PLOD2: variants seen among roughly 807,000 people sequenced by gnomAD.
PLOD2 encodes the protein procollagen-lysine,2-oxoglutarate 5-dioxygenase 2, also known as lysine hydroxylase 2.
A neutral mutation model predicts 101.0 loss-of-function variants in PLOD2; 65 were observed. The ratio of observed to expected loss-of-function variants is 0.64; its 90% CI spans 0.53 to 0.79. The LOEUF is 0.79. Among genes scored for constraint, PLOD2 ranks in the 30% least tolerant of loss-of-function variants. PLOD2 has a pLI of 0.00. For synonymous variants in PLOD2, 314 were observed against 302.9 expected (o/e 1.04, Z -0.38); for missense variants, 909 against 914.6 (o/e 0.99, Z 0.08).
intron 4 of PLOD2, among the ~76,000 whole-genome samples, chr3:146,107,511 G>C (rs1230655308): frequency 7.0e-6 from 1 of 142,236 alleles, no homozygotes; most frequent in Non-Finnish European, 1.5e-5. Context: ...TTTCTTAAAA[G>C]AATTAAAAAA....
chr3:146,152,839 T>G (rs954659547), intron 1 of PLOD2, among the ~76,000 whole-genome samples: 29 of 152,242 alleles, frequency 1.9e-4, no homozygotes, highest in Admixed American at 1.8e-3. Flanking sequence ...ATCTCTGCTT[T>G]GTAAGTCTGT....
At chr3:146,075,487 TAAAAAAA>T (rs35706246) in intron 15 of PLOD2, among the ~76,000 whole-genome samples, 1 of 93,672 alleles carries the variant, frequency 1.1e-5, no homozygotes, top group African/African-American at 4.1e-5. Flanking sequence ...CTCAAATCTG[TAAAAAAA>T]AAAAAAAAAA....
intron 12 of PLOD2, among the ~76,000 whole-genome samples, chr3:146,079,973 A>G (rs1936476603): frequency 6.6e-6 from 1 of 152,028 alleles, no homozygotes; most frequent in Non-Finnish European, 1.5e-5. Context: ...CACTCTGAAC[A>G]TGACTGATTT....
At chr3:146,100,694 G>A (rs530561658) in intron 7 of PLOD2, among the ~76,000 whole-genome samples, 2 of 152,308 alleles carry the variant, frequency 1.3e-5, no homozygotes, top group South Asian at 4.1e-4. Context: ...GAAAGGAGAA[G>A]AAATTGAATG....
intron 1 of PLOD2, among the ~76,000 whole-genome samples, chr3:146,127,437 T>G (rs2030636909): frequency 6.6e-6 from 1 of 152,122 alleles, no homozygotes; most frequent in East Asian, 1.9e-4. Context: ...GCATTCGGTT[T>G]TCCAAGTTAG....
intron 9 of PLOD2, among the ~76,000 whole-genome samples, chr3:146,088,375 A>G (rs191215465): frequency 1.3e-5 from 2 of 151,724 alleles, no homozygotes; most frequent in East Asian, 3.9e-4. Context: ...TGATCTACAG[A>G]AACTGGCAGT....
chr3:146,102,827 AT>A lies in PLOD2; in HGVS notation c.704del (p.Asn235MetfsTer28). ...ATGTATTCTTAGCTCTGGCTTTGCC[AT>A]TTTCAAATTTTAAAACAACTTCATC... is the stretch of plus-strand genomic sequence containing the variant. ...AVDEVVLKFENGKARAKNTFY... is the reference protein window; with the variant it reads ...AVDEVVLKFEXGKARAKNTFY... On this transcript the variant is annotated frameshift_variant, in exon 7 of 20. Coordinates refer to ENST00000282903, the MANE Select transcript of PLOD2 (RefSeq NM_182943.3). LOFTEE classifies it high-confidence loss of function. 2 of 1,598,654 alleles carry A rather than the reference AT, an allele frequency of 1.3e-6. No homozygotes were observed. Among genetic ancestry groups the A allele is most frequent in the South Asian group, 1.1e-5 (1 of 90,772 alleles).
intron 16 of PLOD2, among the ~76,000 whole-genome samples, chr3:146,073,068 T>A (rs1936208180): frequency 6.6e-6 from 1 of 151,670 alleles, no homozygotes; most frequent in Non-Finnish European, 1.5e-5. Flanking sequence ...CATAGGAGCA[T>A]GCTTTTTAAA....
At chr3:146,107,918 A>AT (rs1310114521) in intron 4 of PLOD2, among the ~76,000 whole-genome samples, 1 of 152,104 alleles carries the variant, frequency 6.6e-6, no homozygotes, top group Non-Finnish European at 1.5e-5. Context: ...TGCTGAGATT[A>AT]GAGGCGTGAG....
intron 1 of PLOD2, among the ~76,000 whole-genome samples, chr3:146,131,625 G>C (rs1262199159): frequency 6.6e-6 from 1 of 152,134 alleles, no homozygotes; most frequent in Non-Finnish European, 1.5e-5. Flanking sequence ...CTTCTTTCAT[G>C]AAGGAGGAAA....
intron 4 of PLOD2, among the ~76,000 whole-genome samples, chr3:146,108,115 GA>G (rs200448135): frequency 5.4e-5 from 8 of 148,968 alleles, no homozygotes; most frequent in East Asian, 2.0e-4. Context: ...CTCAATAAAT[GA>G]AAAAAAAACA....
intron 7 of PLOD2, among the ~76,000 whole-genome samples, chr3:146,097,841 G>A (rs1347421574): frequency 6.7e-6 from 1 of 150,156 alleles, no homozygotes; most frequent in Non-Finnish European, 1.5e-5. Context: ...AGAAAATGTG[G>A]CATATATACA....
intron 1 of PLOD2, among the ~76,000 whole-genome samples, chr3:146,138,437 A>T (rs951716366): frequency 3.2e-4 from 49 of 152,164 alleles, no homozygotes; most frequent in African/African-American, 1.1e-3. Flanking sequence ...ATGGGTTGCT[A>T]TCTTGGATGA....
intron 7 of PLOD2, among the ~76,000 whole-genome samples, chr3:146,097,121 G>T (rs1937213929): frequency 6.7e-6 from 1 of 149,276 alleles, no homozygotes; most frequent in Non-Finnish European, 1.5e-5. Context: ...TGTCCAGGAG[G>T]GAGGTGGGGG....
At chr3:146,157,009 G>A (rs1019752697) in intron 1 of PLOD2, among the ~76,000 whole-genome samples, 3 of 152,198 alleles carry the variant, frequency 2.0e-5, no homozygotes, top group Admixed American at 6.5e-5. Flanking sequence ...AATACAACCC[G>A]TGGAGAAGGG....
At chr3:146,119,397 A>T (rs540746129) in intron 3 of PLOD2, among the ~76,000 whole-genome samples, 1 of 152,210 alleles carries the variant, frequency 6.6e-6, no homozygotes, top group South Asian at 2.1e-4. Flanking sequence ...GCAGCACAAG[A>T]ACTGATTAAT....
chr3:146,161,068 C>G lies in PLOD2; in HGVS notation c.-79G>C. The G allele has an allele frequency of 6.6e-6, 7 of 1,061,806 alleles. No individual in the cohort carries two copies. In the South Asian group the frequency reaches 8.3e-5, roughly 13 times the overall value. 65.8% of individuals were successfully genotyped at this position (1,061,806 alleles called of 1,614,324 possible). ...CGCTTCTCGCGAGAACGCAGAGACC[C>G]GGGTCCGCCCTGAGCCGCCGATTGC... On this transcript the variant is annotated 5_prime_UTR_variant, in exon 1 of 20. Transcript: ENST00000282903.
At chr3:146,151,841 T>C (rs189473256) in intron 1 of PLOD2, among the ~76,000 whole-genome samples, 3 of 152,316 alleles carry the variant, frequency 2.0e-5, no homozygotes, top group Admixed American at 1.3e-4. Context: ...GAACACAGAC[T>C]AGCCAGTCAA....
chr3:146,073,403 G>A, intron 15 of PLOD2, 51 bp from the exon 16 acceptor site: 1 of 690,776 alleles, frequency 1.4e-6, no homozygotes, highest in African/African-American at 1.8e-5. Flanking sequence ...ATACTTCACT[G>A]AAAAGTATAA....
Sources: gnomAD v4.1 joint callset for allele counts (sites outside exome capture counted in the v4.1 genomes callset) on GRCh38, gnomAD v4.1.1 for gene constraint, MANE v1.5 for transcripts, NCBI Gene and HGNC (gene_info 2026-07-23, HGNC 2026-07-21) for gene names.